Variants in METTL8 observed in about 807,000 individuals in gnomAD.
The protein encoded by METTL8 is methyltransferase 8, tRNA N3-cytidine, also known as tRNA N(3)-cytidine methyltransferase METTL8, mitochondrial.
In METTL8, 32 loss-of-function variants were observed where a neutral mutation model predicts 48.7. The ratio of observed to expected loss-of-function variants is 0.66; its 90% CI spans 0.50 to 0.88. The LOEUF is 0.88. Among genes scored for constraint, METTL8 ranks in the 40% least tolerant of loss-of-function variants. The probability of loss-of-function intolerance (pLI) is 0.00; values close to 1 mark genes in which losing one functional copy is unlikely to be tolerated. For synonymous variants in METTL8, 136 were observed against 157.1 expected, an observed-to-expected ratio of 0.87 and a Z score of 1.01; for missense variants, 464 against 474.4, an observed-to-expected ratio of 0.98 and a Z score of 0.20.
chr2:171,406,818 A>T (rs1028255764), intron 1 of METTL8, among the ~76,000 whole-genome samples: 8 of 152,194 alleles, frequency 5.3e-5, no homozygotes, highest in Non-Finnish European at 1.0e-4. Context: ...TAGGAAGCTA[A>T]AAAGAGGTTC....
At chr2:171,376,971 C>G (rs944327356) in intron 2 of METTL8, among the ~76,000 whole-genome samples, 1 of 152,168 alleles carries the variant, frequency 6.6e-6, no homozygotes, top group African/African-American at 2.4e-5. Flanking sequence ...GTTACCAAAA[C>G]AGCATGGTAC....
At chr2:171,346,491 T>TCACTC in intron 3 of METTL8, among the ~76,000 whole-genome samples, 1 of 151,884 alleles carries the variant, frequency 6.6e-6, no homozygotes, top group South Asian at 2.1e-4. Context: ...GAAATGGGAG[T>TCACTC]GACAGGAGAG....
At chr2:171,389,339 G>A (rs937025438) in intron 2 of METTL8, among the ~76,000 whole-genome samples, 1 of 151,842 alleles carries the variant, frequency 6.6e-6, no homozygotes, top group African/African-American at 2.4e-5. Flanking sequence ...GGGCAACATG[G>A]TGAAACCCCA....
Position 171,331,832 on chromosome 2 carries a change from A to C in METTL8, c.692T>G (p.Phe231Cys). The change falls in exon 6 of 10, where the codon TTT becomes TGT. Residue 231 changes from phenylalanine to cysteine, a missense_variant. By Grantham distance (205) the Phe-to-Cys change is radical. Coordinates refer to ENST00000375258, the MANE Select transcript of METTL8 (RefSeq NM_001321154.2). ...SPESFLYCCD[F>C]ASGAVELVKS... ...TACGAGCTCCACAGCTCCAGAAGCA[A>C]AATCACAACAATACAGAAAGGACTC... 1 of 1,604,564 alleles carries C rather than the reference A, an allele frequency of 6.2e-7. No individual in the cohort carries two copies. The highest frequency in any genetic ancestry group is 8.5e-7 in the Non-Finnish European group (1 of 1,175,172).
intron 1 of METTL8, among the ~76,000 whole-genome samples, chr2:171,415,135 A>G (rs1691174571): frequency 6.6e-6 from 1 of 152,092 alleles, no homozygotes; most frequent in Non-Finnish European, 1.5e-5. Context: ...ATGAACTAAC[A>G]TGGTATGAAA....
chr2:171,347,065 G>T (rs1683344135), intron 3 of METTL8, among the ~76,000 whole-genome samples: 2 of 152,162 alleles, frequency 1.3e-5, no homozygotes, highest in African/African-American at 4.8e-5. Flanking sequence ...CCCTGCAGTG[G>T]TCCCCTGACA....
chr2:171,352,252 T>G (rs1684017749), intron 3 of METTL8, among the ~76,000 whole-genome samples: 1 of 152,170 alleles, frequency 6.6e-6, no homozygotes, highest in African/African-American at 2.4e-5. Context: ...TGTTAATATG[T>G]TGGATTACGT....
chr2:171,335,708 A>G (rs1218777547), intron 5 of METTL8, among the ~76,000 whole-genome samples: 2 of 152,180 alleles, frequency 1.3e-5, no homozygotes, highest in African/African-American at 4.8e-5. Context: ...TACAGGTGTG[A>G]GCCACCGCAC....
intron 2 of METTL8, among the ~76,000 whole-genome samples, chr2:171,367,136 A>C (rs1685814146): frequency 6.6e-6 from 1 of 152,086 alleles, no homozygotes. Context: ...AGAAATACTA[A>C]AATTTTTCCA....
In METTL8 at chr2:171,336,396, CT is replaced by C. The variant is rs146097512; in HGVS notation, c.656+1056del. ...AGGCATGAGCCACCACGCCCGACTG[CT>C]TTTTTTTTTTTTTTTTTTTTTTTAG... On this transcript the variant is annotated intron_variant, in intron 5 of 9. Coordinates refer to ENST00000375258, the MANE Select transcript of METTL8 (RefSeq NM_001321154.2). Among the ~76,000 whole-genome samples the C allele has an allele frequency of 3.4e-3, 271 of 80,750 alleles. 1 individual carries two copies. Among genetic ancestry groups the C allele is most frequent in the Middle Eastern group, 6.2e-3 (1 of 162 alleles). 53.0% of individuals were successfully genotyped at this position (80,750 alleles called of 152,430 possible). A position where few individuals can be genotyped will look rare whatever the true frequency, so the allele number is the denominator to read the frequency against.
chr2:171,359,120 A>G (rs966110675), intron 3 of METTL8, among the ~76,000 whole-genome samples: 5 of 150,322 alleles, frequency 3.3e-5, no homozygotes, highest in African/African-American at 1.2e-4. Context: ...ATTAAGCTGC[A>G]GTGAGCCATG....
rs1260046731 is a variant in METTL8, at chr2:171,404,111, C to T, written c.-12-11914G>A. Among the ~76,000 whole-genome samples the T allele has an allele frequency of 2.8e-5, 3 of 106,684 alleles. No homozygotes were observed. In the East Asian group the frequency reaches 7.7e-4, roughly 27 times the overall value. The allele number at this position is 106,684 out of a possible 152,430, so 70.0% of individuals were successfully genotyped here. A position where few individuals can be genotyped will look rare whatever the true frequency, so the allele number is the denominator to read the frequency against. Reference sequence around the variant, plus strand: ...TATATATATATATATGATAGTTTAACTTACAAATTAGGCTTAAGAGATTAG... The same window carrying T: ...TATATATATATATATGATAGTTTAATTTACAAATTAGGCTTAAGAGATTAG... On this transcript the variant is annotated intron_variant, in intron 1 of 9. Coordinates refer to ENST00000375258, the MANE Select transcript of METTL8 (RefSeq NM_001321154.2).
intron 1 of METTL8, among the ~76,000 whole-genome samples, chr2:171,430,648 G>C (rs921040845): frequency 2.0e-5 from 3 of 152,144 alleles, no homozygotes; most frequent in African/African-American, 7.2e-5. Context: ...CAGCAGTATG[G>C]AGGAGGGCTG....
At chr2:171,399,876 T>C (rs938373006) in intron 1 of METTL8, among the ~76,000 whole-genome samples, 1 of 152,080 alleles carries the variant, frequency 6.6e-6, no homozygotes, top group Non-Finnish European at 1.5e-5. Context: ...CAGTGGTTCA[T>C]GCCTGTAATC....
intron 3 of METTL8, among the ~76,000 whole-genome samples, chr2:171,348,091 G>A (rs1428736017): frequency 1.3e-5 from 2 of 152,320 alleles, no homozygotes; most frequent in Non-Finnish European, 2.9e-5. Flanking sequence ...CCCAACTACT[G>A]TTGCTTCAAA....
rs542284395 is a variant in METTL8 at position 171,316,733 on chromosome 2, G to A, written c.*7439C>T. 3.9e-5 allele frequency among the ~76,000 whole-genome samples: 6 copies of A among 152,252 alleles called. No homozygotes were observed. The South Asian group carries it at 1.2e-3, about 32-fold the overall frequency. On this transcript the variant is annotated 3_prime_UTR_variant, in exon 10 of 10. Transcript: ENST00000375258. ...GATATAAATATTAAAATAAATGAGG[G>A]CTGCGAAAGAAAAAGTATGAGCAAT...
intron 2 of METTL8, among the ~76,000 whole-genome samples, chr2:171,382,037 C>T (rs1687603677): frequency 6.6e-6 from 1 of 152,138 alleles, no homozygotes; most frequent in East Asian, 1.9e-4. Context: ...CCACCTTGGC[C>T]TCCCAAAGTG....
At chr2:171,368,717 C>T (rs1023163471) in intron 2 of METTL8, among the ~76,000 whole-genome samples, 2 of 152,078 alleles carry the variant, frequency 1.3e-5, no homozygotes, top group Non-Finnish European at 2.9e-5. Flanking sequence ...ATCCAAAGTG[C>T]AAGGTATACC....
At chr2:171,373,914 G>A (rs570554644) in intron 2 of METTL8, among the ~76,000 whole-genome samples, 4 of 152,336 alleles carry the variant, frequency 2.6e-5, no homozygotes, top group African/African-American at 9.6e-5. Context: ...CAGGCAGCGT[G>A]ATGCTTCCAG....
Sources: allele counts gnomAD v4.1 joint callset (sites outside exome capture counted in the v4.1 genomes callset), GRCh38; gene constraint gnomAD v4.1.1; transcripts MANE v1.5; gene names NCBI Gene and HGNC (gene_info 2026-07-23, HGNC 2026-07-21).